Variants in MYO9A observed in about 807,000 individuals in gnomAD.
MYO9A encodes myosin IXA, also known as unconventional myosin-IXa.
A neutral mutation model predicts 293.3 loss-of-function variants in MYO9A; 103 were observed. The ratio of observed to expected loss-of-function variants is 0.35; its 90% CI spans 0.30 to 0.41. The LOEUF (loss-of-function observed/expected upper bound fraction) is 0.41, where lower values mean the gene tolerates loss of function less well. MYO9A is among the 10% of genes least tolerant of loss of function. MYO9A has a pLI of 1.00. For missense variants in MYO9A, 2,685 were observed against 3,033.0 expected (o/e 0.89, Z 2.69); for synonymous variants, 1,001 against 1,035.7 (o/e 0.97, Z 0.64).
chr15:71,901,411 T>G (rs758861845), intron 22 of MYO9A, 71 bp from the exon 23 acceptor site: 2 of 1,461,820 alleles, frequency 1.4e-6, no homozygotes, highest in Non-Finnish European at 1.8e-6. Context: ...GAATCATCCT[T>G]TCTGTGATAA....
chr15:71,899,844 GGATAAC>G lies in MYO9A; in HGVS notation c.3307_3312del (p.Val1103_Ile1104del), dbSNP rs1444808899. 3 of 1,614,124 alleles carry G rather than the reference GGATAAC, an allele frequency of 1.9e-6. No homozygotes were observed. In the African/African-American group the frequency reaches 4.0e-5, roughly 22 times the overall value. On this transcript the variant is annotated inframe_deletion, in exon 24 of 42. Transcript: ENST00000356056. ...CTATAGTAATCTCTCCATTTCTGCT[GGATAAC>G]GATGGCTGCAGCCCGTAACTCCAAG...
intron 15 of MYO9A, among the ~76,000 whole-genome samples, chr15:71,943,077 T>G (rs1252026792): frequency 6.6e-6 from 1 of 152,058 alleles, no homozygotes; most frequent in African/African-American, 2.4e-5. Flanking sequence ...AAAAATTCAT[T>G]GAGAGTTTAA....
chr15:71,873,785 T>C (rs2056597522), intron 32 of MYO9A, among the ~76,000 whole-genome samples: 1 of 152,234 alleles, frequency 6.6e-6, no homozygotes, highest in African/African-American at 2.4e-5. Flanking sequence ...CATATGCTTG[T>C]ACATTTTTAT....
intron 1 of MYO9A, among the ~76,000 whole-genome samples, chr15:72,058,709 G>A (rs189351971): frequency 2.2e-4 from 33 of 152,202 alleles, no homozygotes; most frequent in Admixed American, 1.8e-3. Flanking sequence ...ATATGCTAAC[G>A]AGGTAAGAAA....
chr15:71,861,099 CAA>C (rs2056106105), intron 33 of MYO9A, among the ~76,000 whole-genome samples: 1 of 151,116 alleles, frequency 6.6e-6, no homozygotes. Context: ...ACTAAAGGGT[CAA>C]ATACATTACA....
chr15:71,845,140 T>G (rs2141129096), intron 39 of MYO9A, among the ~76,000 whole-genome samples: 1 of 152,310 alleles, frequency 6.6e-6, no homozygotes, highest in East Asian at 1.9e-4. Context: ...CCTGAGGAGT[T>G]TGCTTTCCTG....
chr15:71,934,093 C>T (rs1031928991), intron 17 of MYO9A, among the ~76,000 whole-genome samples: 1 of 152,020 alleles, frequency 6.6e-6, no homozygotes, highest in Non-Finnish European at 1.5e-5. Flanking sequence ...TTTAAAAAAA[C>T]GTACTTATCA....
chr15:71,896,049 G>A (rs1050587691), intron 25 of MYO9A, among the ~76,000 whole-genome samples: 2 of 152,134 alleles, frequency 1.3e-5, no homozygotes, highest in African/African-American at 4.8e-5. Context: ...GGATGCATAT[G>A]CTACACAGAG....
intron 27 of MYO9A, 86 bp downstream of exon 27, chr15:71,887,917 GT>G (rs200618377): frequency 5.4e-5 from 39 of 723,584 alleles, no homozygotes; most frequent in Non-Finnish European, 7.9e-5. Context: ...ATCAATTATG[GT>G]TTTTTTAAAA....
chr15:71,965,558 C>T (rs2147185354), intron 13 of MYO9A, among the ~76,000 whole-genome samples: 1 of 152,150 alleles, frequency 6.6e-6, no homozygotes, highest in Non-Finnish European at 1.5e-5. Flanking sequence ...CCAGCCTGGC[C>T]AACATAGTGA....
At chr15:72,081,890 A>G (rs1425033305) in intron 1 of MYO9A, among the ~76,000 whole-genome samples, 5 of 152,014 alleles carry the variant, frequency 3.3e-5, no homozygotes, top group African/African-American at 9.7e-5. Flanking sequence ...CCATTGGTCT[A>G]TATGTCTATT....
chr15:72,046,037 T>C lies in MYO9A; in HGVS notation c.527A>G (p.Tyr176Cys). The C allele has an allele frequency of 1.2e-6, 2 of 1,613,418 alleles. No individual in the cohort carries two copies. Among genetic ancestry groups the C allele is most frequent in the Non-Finnish European group, 1.7e-6 (2 of 1,179,792 alleles). Residue 176 changes from tyrosine (Y) to cysteine (C), a missense_variant, in exon 2 of 42, where the codon TAT (tyrosine) becomes TGT (cysteine). By Grantham distance (194) the Tyr-to-Cys change is radical. Transcript: ENST00000356056. ...TATTAGAATACTGCCAACATAGGTA[T>C]AAATTTTTTCATGCTTAAAGCGATT... ...LRNRFKHEKIYTYVGSILIVI... is the reference protein window; with the variant it reads ...LRNRFKHEKICTYVGSILIVI...
chr15:72,081,713 T>C (rs1366149767), intron 1 of MYO9A, among the ~76,000 whole-genome samples: 1 of 152,218 alleles, frequency 6.6e-6, no homozygotes, highest in Non-Finnish European at 1.5e-5. Context: ...TTGAGTTAAT[T>C]TTTGTACACG....
Position 71,826,341 on chromosome 15 carries a change from G to GTATAGTAAAAAT in MYO9A, c.*227_*238dup. The GTATAGTAAAAAT allele has an allele frequency of 2.1e-6, 1 of 484,688 alleles. No individual in the cohort carries two copies. The highest frequency in any genetic ancestry group is 3.5e-5 in the East Asian group (1 of 28,810). 30.0% of individuals were successfully genotyped at this position (484,688 alleles called of 1,614,324 possible). On this transcript the variant is annotated 3_prime_UTR_variant, in exon 42 of 42. Transcript: ENST00000356056. ...AAATCCCCAGGCCCTAGGTGGCTTTGTATAGTAAAAATCTCAATTCAAATA... is the reference window on the plus strand; with the variant it reads ...AAATCCCCAGGCCCTAGGTGGCTTTGTATAGTAAAAATTATAGTAAAAATCTCAATTCAAATA...
intron 1 of MYO9A, among the ~76,000 whole-genome samples, chr15:72,112,377 C>G (rs957599243): frequency 1.3e-5 from 2 of 152,140 alleles, no homozygotes; most frequent in African/African-American, 4.8e-5. Context: ...ACATTAAAAC[C>G]CAGAGGCCTA....
chr15:71,993,105 C>T (rs749488226), intron 10 of MYO9A, among the ~76,000 whole-genome samples: 1 of 152,124 alleles, frequency 6.6e-6, no homozygotes, highest in Non-Finnish European at 1.5e-5. Flanking sequence ...AATCCCAGCA[C>T]TTTGGGAGGC....
At chr15:72,083,753 T>C (rs1186292703) in intron 1 of MYO9A, among the ~76,000 whole-genome samples, 2 of 152,234 alleles carry the variant, frequency 1.3e-5, no homozygotes, top group African/African-American at 2.4e-5. Flanking sequence ...CTTAATTTCA[T>C]GGTTTACCCA....
At chr15:72,053,059 T>C (rs540213504) in intron 1 of MYO9A, among the ~76,000 whole-genome samples, 13 of 152,304 alleles carry the variant, frequency 8.5e-5, no homozygotes, top group Admixed American at 2.0e-4. Flanking sequence ...TATGCTCCTT[T>C]ACAGGAAAAT....
chr15:71,997,927 C>T (rs1396506875), intron 9 of MYO9A, among the ~76,000 whole-genome samples: 3 of 152,064 alleles, frequency 2.0e-5, no homozygotes, highest in African/African-American at 4.8e-5. Flanking sequence ...TCCTCAAGGA[C>T]CTAAAAGTAA....
Sources: gnomAD v4.1 joint callset for allele counts (sites outside exome capture counted in the v4.1 genomes callset) on GRCh38, gnomAD v4.1.1 for gene constraint, MANE v1.5 for transcripts, NCBI Gene and HGNC (gene_info 2026-07-23, HGNC 2026-07-21) for gene names.